GALNT17: variants seen among roughly 807,000 people sequenced by gnomAD.
The protein encoded by GALNT17 is UDP-GalNAc:polypeptide N-acetylgalactosaminyltransferase-like 3.
GALNT17 carries 29 observed loss-of-function variants against 63.7 expected under a neutral mutation model. The observed-to-expected ratio is 0.46, with a 90% CI of 0.34 to 0.62. The LOEUF (loss-of-function observed/expected upper bound fraction) is 0.62, where lower values mean the gene tolerates loss of function less well. Ranked by LOEUF, GALNT17 falls within the 20% of genes least tolerant of loss-of-function variation. GALNT17 has a pLI of 0.01. For missense variants in GALNT17, 603 were observed against 799.6 expected (o/e 0.75, Z 2.97); for synonymous variants, 305 against 318.3 (o/e 0.96, Z 0.45).
intron 1 of GALNT17, among the ~76,000 whole-genome samples, chr7:71,251,614 G>T (rs1790199652): frequency 6.6e-6 from 1 of 152,112 alleles, no homozygotes; most frequent in Admixed American, 6.5e-5. Flanking sequence ...GTCTCACTGT[G>T]TTGCCCAGGC....
intron 5 of GALNT17, among the ~76,000 whole-genome samples, chr7:71,438,133 A>G (rs1360657667): frequency 2.0e-5 from 3 of 152,220 alleles, no homozygotes; most frequent in African/African-American, 7.2e-5. Context: ...GGACAGAACT[A>G]ATAATATATG....
At chr7:71,438,055 A>G (rs1030233113) in intron 5 of GALNT17, among the ~76,000 whole-genome samples, 16 of 152,158 alleles carry the variant, frequency 1.1e-4, no homozygotes, top group African/African-American at 3.6e-4. Context: ...ACAAATTTTG[A>G]TATTCAGTTT....
intron 6 of GALNT17, among the ~76,000 whole-genome samples, chr7:71,573,992 CCTT>C (rs1435321077): frequency 6.6e-6 from 1 of 152,132 alleles, no homozygotes; most frequent in African/African-American, 2.4e-5. Flanking sequence ...TCCGTGATCT[CCTT>C]CTTCTTACAG....
intron 6 of GALNT17, among the ~76,000 whole-genome samples, chr7:71,579,087 A>G (rs1789585828): frequency 6.6e-6 from 1 of 152,160 alleles, no homozygotes. Context: ...TCTCTCACCT[A>G]TTGGCACTGG....
In GALNT17 at chr7:71,710,913, C is replaced by G; in HGVS notation, c.1653C>G (p.Arg551=). The part of the protein sequence containing the change: ...CDKVKSSLYK[R]WNFIQNGAIM... ...AGGTCAAGAGCAGCCTGTACAAGCG[C>G]TGGAACTTCATCCAGGTGAGTGCTG... The change falls in exon 10 of 11, where the codon CGC becomes CGG. Residue 551 remains arginine (R), a synonymous_variant. Coordinates refer to ENST00000333538, the MANE Select transcript of GALNT17 (RefSeq NM_022479.3). 6.2e-7 allele frequency: 1 copy of G among 1,613,824 alleles called. No individual in the cohort carries two copies. Among genetic ancestry groups the G allele is most frequent in the Non-Finnish European group, 8.5e-7 (1 of 1,180,028 alleles).
intron 5 of GALNT17, among the ~76,000 whole-genome samples, chr7:71,525,212 C>T (rs1430120853): frequency 6.6e-6 from 1 of 152,064 alleles, no homozygotes; most frequent in African/African-American, 2.4e-5. Flanking sequence ...CTCGTTTTGT[C>T]TCCCAAGCTG....
intron 1 of GALNT17, among the ~76,000 whole-genome samples, chr7:71,315,898 T>C (rs1206969308): frequency 1.3e-5 from 2 of 152,220 alleles, no homozygotes; most frequent in South Asian, 2.1e-4. Context: ...CCATCACCCT[T>C]GAGTGAAATA....
chr7:71,246,331 C>T (rs1385567322), intron 1 of GALNT17, among the ~76,000 whole-genome samples: 1 of 151,284 alleles, frequency 6.6e-6, no homozygotes, highest in South Asian at 2.1e-4. Flanking sequence ...CCATGTTGGC[C>T]AGGCTGGTTT....
At chr7:71,572,311 G>A (rs1307415692) in intron 6 of GALNT17, among the ~76,000 whole-genome samples, 1 of 151,164 alleles carries the variant, frequency 6.6e-6, no homozygotes, top group Non-Finnish European at 1.5e-5. Context: ...AAACCAGCCT[G>A]GGTGACATAA....
chr7:71,353,923 T>C (rs1464089720), intron 2 of GALNT17, among the ~76,000 whole-genome samples: 1 of 152,178 alleles, frequency 6.6e-6, no homozygotes, highest in African/African-American at 2.4e-5. Context: ...TGGCATCTGC[T>C]GGGCCTCCGG....
At chr7:71,433,993 T>C (rs981779066) in intron 5 of GALNT17, among the ~76,000 whole-genome samples, 4 of 152,136 alleles carry the variant, frequency 2.6e-5, no homozygotes, top group African/African-American at 9.7e-5. Flanking sequence ...TCTTCTGGCC[T>C]CCATCTTTTT....
chr7:71,692,150 C>T (rs549133800), intron 9 of GALNT17, among the ~76,000 whole-genome samples: 1 of 152,246 alleles, frequency 6.6e-6, no homozygotes, highest in Admixed American at 6.5e-5. Context: ...TCTCAAACTC[C>T]TGGCCTCCCG....
chr7:71,707,900 G>A (rs551871503), intron 9 of GALNT17, among the ~76,000 whole-genome samples: 5 of 152,306 alleles, frequency 3.3e-5, no homozygotes, highest in African/African-American at 1.2e-4. Flanking sequence ...TCAAGGGATG[G>A]GGGAACAGAC....
chr7:71,281,651 A>G (rs1790778893), intron 1 of GALNT17, among the ~76,000 whole-genome samples: 1 of 152,208 alleles, frequency 6.6e-6, no homozygotes, highest in African/African-American at 2.4e-5. Flanking sequence ...TTGTGATCAT[A>G]TCACTGAATT....
intron 1 of GALNT17, among the ~76,000 whole-genome samples, chr7:71,282,643 CCTCAGGACATCCTGAGTCCTATGGA>C (rs371530403): frequency 0.019 from 2,886 of 151,996 alleles, 41 homozygotes; most frequent in Non-Finnish European, 0.029. Flanking sequence ...TGAAGAATGT[CCTCAGGACATCCTGAGTCCTATGGA>C]CTCAGGACTG....
rs544873670 is a variant in GALNT17 at position 71,439,368 on chromosome 7, T to G, written c.962+18263T>G. 1.9e-3 allele frequency among the ~76,000 whole-genome samples: 287 copies of G among 152,298 alleles called. 1 individual carries two copies. Among genetic ancestry groups the G allele is most frequent in the African/African-American group, 6.7e-3 (279 of 41,576 alleles). On this transcript the variant is annotated intron_variant, in intron 5 of 10. Coordinates refer to ENST00000333538, the MANE Select transcript of GALNT17 (RefSeq NM_022479.3). ...ATGCTATTTCTTGACATCACCTAGG[T>G]ACCTTCTGCACCAGCCTGGGTAGAT...
At chr7:71,275,920 A>C (rs187543344) in intron 1 of GALNT17, among the ~76,000 whole-genome samples, 20 of 152,232 alleles carry the variant, frequency 1.3e-4, no homozygotes, top group African/African-American at 3.6e-4. Context: ...GAACTATGCG[A>C]TGGGCTCCTC....
intron 5 of GALNT17, among the ~76,000 whole-genome samples, chr7:71,455,010 A>G (rs974495299): frequency 6.6e-6 from 1 of 152,110 alleles, no homozygotes; most frequent in East Asian, 1.9e-4. Flanking sequence ...CTACAAAAAA[A>G]TACAAAAATT....
At chr7:71,197,514 T>C (rs1220231524) in intron 1 of GALNT17, among the ~76,000 whole-genome samples, 1 of 151,918 alleles carries the variant, frequency 6.6e-6, no homozygotes, top group Non-Finnish European at 1.5e-5. Context: ...GGCCCTGTTG[T>C]ACATTTAAGT....
Sources: gnomAD v4.1 joint callset for allele counts (sites outside exome capture counted in the v4.1 genomes callset) on GRCh38, gnomAD v4.1.1 for gene constraint, MANE v1.5 for transcripts, NCBI Gene and HGNC (gene_info 2026-07-23, HGNC 2026-07-21) for gene names.